Variants in PHF7 observed in about 807,000 individuals in gnomAD.
PHF7 encodes the protein PHD finger protein 7, also known as E3 ubiquitin-protein ligase PHF7.
In PHF7, 24 loss-of-function variants were observed where a neutral mutation model predicts 47.5. The ratio of observed to expected loss-of-function variants is 0.51; its 90% CI spans 0.37 to 0.71. The LOEUF (loss-of-function observed/expected upper bound fraction) is 0.71, where lower values mean the gene tolerates loss of function less well. PHF7 is among the 30% of genes least tolerant of loss of function. The probability of loss-of-function intolerance (pLI) is 0.00; values close to 1 mark genes in which losing one functional copy is unlikely to be tolerated. For missense variants in PHF7, 361 were observed against 456.8 expected, an observed-to-expected ratio of 0.79 and a Z score of 1.91; for synonymous variants, 156 against 153.8, an observed-to-expected ratio of 1.01 and a Z score of -0.11.
At chr3:52,418,255 T>G (rs183602351) in intron 4 of PHF7, among the ~76,000 whole-genome samples, 19 of 152,336 alleles carry the variant, frequency 1.2e-4, no homozygotes, top group African/African-American at 4.3e-4. Flanking sequence ...TGTCAGGGCT[T>G]AGTTATAATT....
At position 52,414,574 on chromosome 3, in the gene PHF7, A is replaced by G; in HGVS notation, c.173A>G (p.His58Arg). 1 of 1,608,348 alleles carries G rather than the reference A, an allele frequency of 6.2e-7. No homozygotes were observed. Among genetic ancestry groups the G allele is most frequent in the South Asian group, 1.1e-5 (1 of 90,850 alleles). The change falls in exon 4 of 11, where the codon CAT (histidine) becomes CGT (arginine). Residue 58 changes from histidine to arginine, a missense_variant. Transcript: ENST00000327906. Reference protein sequence around the residue: ...EFLQKDNISVHYFCLILSSKL... With the variant: ...EFLQKDNISVRYFCLILSSKL... ...CTTCAGAAAGACAATATCAGCGTGC[A>G]TTATTTCTGTCTTGTGAGTATGAGG...
At chr3:52,417,321 T>TA (rs996693503) in intron 4 of PHF7, among the ~76,000 whole-genome samples, 226 of 151,478 alleles carry the variant, frequency 1.5e-3, no homozygotes, top group African/African-American at 5.2e-3. Context: ...AATTTTTCTT[T>TA]AAAAAAAAAG....
intron 4 of PHF7, among the ~76,000 whole-genome samples, chr3:52,418,686 G>A (rs1253773611): frequency 1.3e-5 from 2 of 152,158 alleles, no homozygotes; most frequent in African/African-American, 4.8e-5. Context: ...GGGCCTGGGT[G>A]TGAATAGCCA....
intron 4 of PHF7, among the ~76,000 whole-genome samples, chr3:52,417,092 C>T (rs1178489709): frequency 2.0e-5 from 3 of 152,064 alleles, no homozygotes; most frequent in Non-Finnish European, 4.4e-5. Flanking sequence ...ATAGAATTGC[C>T]TTGGTGCCTT....
chr3:52,419,076 A>C (rs1193160120), intron 4 of PHF7, among the ~76,000 whole-genome samples: 4 of 152,128 alleles, frequency 2.6e-5, no homozygotes, highest in Non-Finnish European at 4.4e-5. Context: ...AAGTGCTAGG[A>C]TTACAGGTGT....
chr3:52,417,331 GTC>G (rs1440107466), intron 4 of PHF7, among the ~76,000 whole-genome samples: 1 of 151,940 alleles, frequency 6.6e-6, no homozygotes, highest in Non-Finnish European at 1.5e-5. Flanking sequence ...TAAAAAAAAA[GTC>G]TACTGGGATT....
chr3:52,415,530 C>T (rs1047731991), intron 4 of PHF7, among the ~76,000 whole-genome samples: 1 of 152,202 alleles, frequency 6.6e-6, no homozygotes, highest in African/African-American at 2.4e-5. Context: ...CAGAAAGTTC[C>T]CTCCTGCCTC....
At position 52,419,834 on chromosome 3, in the gene PHF7, T is replaced by C; in HGVS notation, c.188T>C (p.Ile63Thr). 6.4e-7 allele frequency: 1 copy of C among 1,570,866 alleles called. No homozygotes were observed. The highest frequency in any genetic ancestry group is 8.7e-7 in the Non-Finnish European group (1 of 1,145,152). ...DNISVHYFCLILSSKLPQRGQ... is the reference protein window; with the variant it reads ...DNISVHYFCLTLSSKLPQRGQ... ...AGCCTGGTTCTACTGCCCCCGCAGA[T>C]CTTATCTAGTAAGCTGCCTCAGAGG... The change falls in exon 5 of 11, where the codon ATC becomes ACC. Residue 63 changes from isoleucine to threonine, a missense_variant and splice_region_variant. Transcript: ENST00000327906.
At chr3:52,419,443 T>A (rs1291429029) in intron 4 of PHF7, among the ~76,000 whole-genome samples, 1 of 151,648 alleles carries the variant, frequency 6.6e-6, no homozygotes, top group Non-Finnish European at 1.5e-5. Flanking sequence ...TTTTTTTTCT[T>A]TTTTGAGACA....
chr3:52,414,629 T>G, intron 4 of PHF7, 42 bp downstream of exon 4: 1 of 1,142,914 alleles, frequency 8.7e-7, no homozygotes. Context: ...CCTATGGCTT[T>G]TGGTGTACTG....
At chr3:52,420,033 G>T (rs1324589277) in intron 5 of PHF7, 99 bp downstream of exon 5, 1 of 796,382 alleles carries the variant, frequency 1.3e-6, no homozygotes, top group Non-Finnish European at 2.1e-6. Flanking sequence ...TAGTTTAGAT[G>T]TCAAAGGACT....
rs1267704513 is a variant in PHF7, at chr3:52,423,481, A to C, written c.*164A>C. The C allele has an allele frequency of 2.9e-5, 17 of 584,058 alleles. No individual in the cohort carries two copies. Among genetic ancestry groups the C allele is most frequent in the Admixed American group, 1.9e-4 (6 of 31,322 alleles). The allele number at this position is 584,058 out of a possible 1,614,324, so 36.2% of individuals were successfully genotyped here. Reference sequence around the variant, plus strand: ...TCTCAGTGGAGCATGAGGAGGGAGCAGTCCAGATGCCAACAAGGAAATGCG... The same window carrying C: ...TCTCAGTGGAGCATGAGGAGGGAGCCGTCCAGATGCCAACAAGGAAATGCG... On this transcript the variant is annotated 3_prime_UTR_variant, in exon 11 of 11. Transcript: ENST00000327906.
chr3:52,419,772 A>T (rs1705731193), intron 4 of PHF7, 61 bp from the exon 5 acceptor site: 12 of 928,418 alleles, frequency 1.3e-5, no homozygotes, highest in Non-Finnish European at 1.9e-5. Flanking sequence ...CCTTCTCCTC[A>T]CCTCACTGCA....
In PHF7 at chr3:52,412,792, A is replaced by G; in HGVS notation, c.-69-19A>G. ...AATACAGAATTAAATTGCTTACCAAACCCCATTTATATTTATAGCTGGAAG... is the reference window on the plus strand; with the variant it reads ...AATACAGAATTAAATTGCTTACCAAGCCCCATTTATATTTATAGCTGGAAG... On this transcript the variant is annotated intron_variant, in intron 1 of 10. Coordinates refer to ENST00000327906, the MANE Select transcript of PHF7 (RefSeq NM_016483.7). The G allele has an allele frequency of 4.5e-6, 5 of 1,114,582 alleles. No individual in the cohort carries two copies. Among genetic ancestry groups the G allele is most frequent in the Non-Finnish European group, 6.7e-6 (5 of 748,688 alleles). 69.0% of individuals were successfully genotyped at this position (1,114,582 alleles called of 1,614,324 possible).
intron 4 of PHF7, among the ~76,000 whole-genome samples, chr3:52,418,932 C>T (rs980094543): frequency 2.6e-5 from 4 of 151,724 alleles, no homozygotes; most frequent in South Asian, 2.1e-4. Flanking sequence ...CTCAGCCTCC[C>T]GAGTAGCTGG....
chr3:52,415,086 A>ATCCTTC, intron 4 of PHF7, among the ~76,000 whole-genome samples: 1 of 152,298 alleles, frequency 6.6e-6, no homozygotes, highest in East Asian at 1.9e-4. Flanking sequence ...AATGTTCCCA[A>ATCCTTC]TCCTTCTCCC....
intron 5 of PHF7, 48 bp downstream of exon 5, chr3:52,419,982 C>A: frequency 2.0e-6 from 2 of 1,016,222 alleles, no homozygotes; most frequent in Non-Finnish European, 3.0e-6. Flanking sequence ...TCTTTTCATA[C>A]CTCACCCATC....
Position 52,412,860 on chromosome 3 carries a change from G to GGA in PHF7, c.-11_-10dup, listed in dbSNP as rs750223605. 10 of 1,593,418 alleles carry GGA rather than the reference G, an allele frequency of 6.3e-6. No individual in the cohort carries two copies. The highest frequency in any genetic ancestry group is 8.6e-6 in the Non-Finnish European group (10 of 1,162,162). Reference sequence around the variant, plus strand: ...CAATAGTATAGAAGAATTCAAGAGAGGAGAGAGAGACAGCACCGAATGAAG... The same window carrying GGA: ...CAATAGTATAGAAGAATTCAAGAGAGGAGAGAGAGAGACAGCACCGAATGAAG... On this transcript the variant is annotated 5_prime_UTR_variant, in exon 2 of 11. Transcript: ENST00000327906.
intron 4 of PHF7, 75 bp downstream of exon 4, chr3:52,414,662 C>G: frequency 2.5e-6 from 2 of 785,880 alleles, no homozygotes; most frequent in Middle Eastern, 2.4e-4. Context: ...TACATTCATC[C>G]TCATATCCAC....
Sources: gnomAD v4.1 joint callset for allele counts (sites outside exome capture counted in the v4.1 genomes callset) on GRCh38, gnomAD v4.1.1 for gene constraint, MANE v1.5 for transcripts, NCBI Gene and HGNC (gene_info 2026-07-23, HGNC 2026-07-21) for gene names.